Variants in COPG2 observed in about 807,000 individuals in gnomAD.
COPG2 encodes the protein coat protein complex I subunit gamma 2, also known as coatomer subunit gamma-2.
A neutral mutation model predicts 46.3 loss-of-function variants in COPG2; 37 were observed. The ratio of observed to expected loss-of-function variants is 0.80; its 90% CI spans 0.61 to 1.05. The LOEUF is 1.05. Among genes scored for constraint, COPG2 ranks in the 50% least tolerant of loss-of-function variants. The pLI, the probability that COPG2 is intolerant of heterozygous loss-of-function variation, is 0.00. For missense variants in COPG2, 427 were observed against 387.8 expected, an observed-to-expected ratio of 1.10 and a Z score of -0.85; for synonymous variants, 159 against 129.7, an observed-to-expected ratio of 1.23 and a Z score of -1.53.
intron 9 of COPG2, among the ~76,000 whole-genome samples, chr7:130,577,204 T>C (rs1463771340): frequency 2.0e-5 from 3 of 152,280 alleles, no homozygotes; most frequent in Non-Finnish European, 1.5e-5. Context: ...CGTCTACAGC[T>C]CCCAGTGTGA....
At chr7:130,609,610 T>G (rs1794801745) in intron 9 of COPG2, among the ~76,000 whole-genome samples, 1 of 152,244 alleles carries the variant, frequency 6.6e-6, no homozygotes, top group Admixed American at 6.5e-5. Flanking sequence ...TTCTGTTTCC[T>G]TTCCTTCTGA....
chr7:130,532,344 G>T (rs1053266916), intron 20 of COPG2, among the ~76,000 whole-genome samples: 42 of 152,298 alleles, frequency 2.8e-4, no homozygotes, highest in African/African-American at 9.6e-4. Context: ...GGGCTGTGCG[G>T]GTGAGAGCAG....
chr7:130,632,105 G>GA (rs1476920873), intron 5 of COPG2, among the ~76,000 whole-genome samples: 1 of 152,102 alleles, frequency 6.6e-6, no homozygotes, highest in Non-Finnish European at 1.5e-5. Flanking sequence ...CCTTCAGCCT[G>GA]AAAAAACTTC....
chr7:130,628,698 C>G (rs979002676), intron 5 of COPG2, among the ~76,000 whole-genome samples: 3 of 152,122 alleles, frequency 2.0e-5, no homozygotes. Context: ...TATCCTTTAA[C>G]ATTTCTTGCA....
At chr7:130,517,342 T>A (rs2116342565) in intron 20 of COPG2, among the ~76,000 whole-genome samples, 1 of 152,268 alleles carries the variant, frequency 6.6e-6, no homozygotes, top group South Asian at 2.1e-4. Flanking sequence ...GGGAAACTGC[T>A]AAGATCTCAA....
At chr7:130,664,492 C>A (rs1163858297) in intron 3 of COPG2, among the ~76,000 whole-genome samples, 1 of 152,176 alleles carries the variant, frequency 6.6e-6, no homozygotes, top group African/African-American at 2.4e-5. Context: ...ACTTGAAACT[C>A]AGAAAACACA....
At chr7:130,520,799 G>A (rs1799717624) in intron 20 of COPG2, among the ~76,000 whole-genome samples, 1 of 152,116 alleles carries the variant, frequency 6.6e-6, no homozygotes, top group Admixed American at 6.5e-5. Flanking sequence ...AAATGTATAT[G>A]CATTTGTTAT....
intron 5 of COPG2, among the ~76,000 whole-genome samples, chr7:130,651,058 T>C (rs1554458984): frequency 6.6e-6 from 1 of 152,218 alleles, no homozygotes; most frequent in Non-Finnish European, 1.5e-5. Flanking sequence ...ATACTACTAC[T>C]GGTTAAACAC....
At chr7:130,643,451 C>T (rs563752344) in intron 5 of COPG2, among the ~76,000 whole-genome samples, 2 of 152,182 alleles carry the variant, frequency 1.3e-5, no homozygotes, top group African/African-American at 4.8e-5. Context: ...GTCATTTTTA[C>T]ATTATTATTA....
intron 5 of COPG2, among the ~76,000 whole-genome samples, chr7:130,651,502 T>G (rs1554459082): frequency 1.2e-5 from 1 of 85,506 alleles, no homozygotes; most frequent in African/African-American, 4.2e-5. Context: ...GTATTTTTTT[T>G]TTTTTTTTTT....
At chr7:130,651,321 TG>T (rs1316504253) in intron 5 of COPG2, among the ~76,000 whole-genome samples, 3 of 142,356 alleles carry the variant, frequency 2.1e-5, no homozygotes, top group East Asian at 2.0e-4. Flanking sequence ...ATACATAAAA[TG>T]TTTTTTTTTT....
intron 9 of COPG2, among the ~76,000 whole-genome samples, chr7:130,584,925 A>G (rs1184515098): frequency 6.6e-6 from 1 of 151,926 alleles, no homozygotes; most frequent in Non-Finnish European, 1.5e-5. Flanking sequence ...CATCAAAACC[A>G]TCAAAATACC....
intron 9 of COPG2, among the ~76,000 whole-genome samples, chr7:130,580,052 GCAC>G (rs1312871615): frequency 6.7e-6 from 1 of 150,300 alleles, no homozygotes; most frequent in African/African-American, 2.4e-5. Context: ...ATTTTTTTCA[GCAC>G]CACACCACAC....
At chr7:130,534,073 G>A (rs1309061590) in intron 20 of COPG2, among the ~76,000 whole-genome samples, 1 of 152,072 alleles carries the variant, frequency 6.6e-6, no homozygotes, top group Non-Finnish European at 1.5e-5. Context: ...AAATGGGGGT[G>A]CGCCAGACCT....
At chr7:130,556,515 G>C (rs1793629527) in intron 12 of COPG2, among the ~76,000 whole-genome samples, 1 of 151,964 alleles carries the variant, frequency 6.6e-6, no homozygotes, top group African/African-American at 2.4e-5. Flanking sequence ...CATAGAAAAT[G>C]AAAGAAAATC....
intron 12 of COPG2, among the ~76,000 whole-genome samples, chr7:130,559,579 C>T (rs1793685354): frequency 6.6e-6 from 1 of 152,198 alleles, no homozygotes; most frequent in East Asian, 1.9e-4. Context: ...CAACTAATGC[C>T]TGTACCCTAA....
intron 9 of COPG2, among the ~76,000 whole-genome samples, chr7:130,578,032 A>G (rs1794047098): frequency 6.6e-6 from 1 of 152,222 alleles, no homozygotes; most frequent in South Asian, 2.1e-4. Flanking sequence ...TGTAGGCTCC[A>G]CCTCTGGGGG....
intron 5 of COPG2, among the ~76,000 whole-genome samples, chr7:130,633,085 T>C (rs1795261558): frequency 6.6e-6 from 1 of 152,222 alleles, no homozygotes; most frequent in Non-Finnish European, 1.5e-5. Context: ...CATCCTTTTT[T>C]ATGGCTGCAT....
chr7:130,588,407 CAAT>C (rs1554448394), intron 9 of COPG2, among the ~76,000 whole-genome samples: 4 of 151,746 alleles, frequency 2.6e-5, no homozygotes, highest in Non-Finnish European at 1.5e-5. Flanking sequence ...AAATGTCCAA[CAAT>C]GATAGACCGG....
Sources: allele counts gnomAD v4.1 joint callset (sites outside exome capture counted in the v4.1 genomes callset), GRCh38; gene constraint gnomAD v4.1.1; transcripts MANE v1.5; gene names NCBI Gene and HGNC (gene_info 2026-07-23, HGNC 2026-07-21).